TCTN1: variants seen among roughly 807,000 people sequenced by gnomAD.
TCTN1 encodes tectonic family member 1.
TCTN1 carries 58 observed loss-of-function variants against 65.8 expected under a neutral mutation model. The observed-to-expected ratio is 0.88, with a 90% CI of 0.71 to 1.10. The LOEUF is 1.10. Among genes scored for constraint, TCTN1 ranks in the 50% least tolerant of loss-of-function variants. TCTN1 has a pLI of 0.00. For synonymous variants in TCTN1, 273 were observed against 289.1 expected, an observed-to-expected ratio of 0.94 and a Z score of 0.57; for missense variants, 645 against 719.4, an observed-to-expected ratio of 0.90 and a Z score of 1.18.
intron 3 of TCTN1, among the ~76,000 whole-genome samples, chr12:110,626,830 G>T (rs377155306): frequency 6.7e-6 from 1 of 148,302 alleles, no homozygotes; most frequent in African/African-American, 2.5e-5. Flanking sequence ...GAGTGCAACG[G>T]CTCAATCTCG....
chr12:110,640,337 C>T lies in TCTN1; in HGVS notation c.844-46C>T. The T allele has an allele frequency of 1.2e-6, 2 of 1,613,712 alleles. No individual in the cohort carries two copies. The highest frequency in any genetic ancestry group is 1.7e-6 in the Non-Finnish European group (2 of 1,179,806). ...AGTTGGTTGGTTATTTTAGCCCATC[C>T]TCCCTGGGTAGAGCATCTTCAACAC... On this transcript the variant is annotated intron_variant, in intron 7 of 14. Transcript: ENST00000397659. The surrounding 1 kb of genome is among the most constrained non-coding windows in gnomAD (Gnocchi z 4.9).
At chr12:110,628,157 CA>C in intron 3 of TCTN1, 1 of 1,536,066 alleles carries the variant, frequency 6.5e-7, no homozygotes, top group Non-Finnish European at 8.7e-7. Flanking sequence ...GTTGATACAG[CA>C]AACTCATCAG....
chr12:110,644,924 GAAC>G lies in TCTN1; in HGVS notation c.1332-38_1332-36del. Reference sequence around the variant, plus strand: ...AGAAAATGAAAAACTGCTGGTGGATGAACAACAGCCTCATTCAGTTGACTTCTT... The same window carrying G: ...AGAAAATGAAAAACTGCTGGTGGATGAACAGCCTCATTCAGTTGACTTCTT... On this transcript the variant is annotated intron_variant, in intron 11 of 14. Transcript: ENST00000397659. This position sits in a 1 kb window ranked among gnomAD's most constrained non-coding sequence, Gnocchi z 4.6. The G allele has an allele frequency of 6.2e-7, 1 of 1,611,848 alleles. No individual in the cohort carries two copies. Among genetic ancestry groups the G allele is most frequent in the East Asian group, 2.2e-5 (1 of 44,868 alleles).
chr12:110,647,358 G>A (rs1265382077), intron 13 of TCTN1, 22 bp downstream of exon 13: 1 of 1,613,940 alleles, frequency 6.2e-7, no homozygotes, highest in Admixed American at 1.7e-5. Context: ...CTAGTTTAAA[G>A]GCATAGGTTA....
At chr12:110,642,189 T>C (rs1024740746) in intron 10 of TCTN1, 60 bp from the exon 11 acceptor site, 145 of 1,610,950 alleles carry the variant, frequency 9.0e-5, no homozygotes, top group South Asian at 4.4e-4. Flanking sequence ...GACACTGTCT[T>C]CTTACCTGAG....
At chr12:110,621,476 ATTT>A (rs879348737) in intron 2 of TCTN1, among the ~76,000 whole-genome samples, 2 of 139,884 alleles carry the variant, frequency 1.4e-5, no homozygotes, top group African/African-American at 2.6e-5. Context: ...ACTTGGGGCT[ATTT>A]TTTTTTTTTT....
intron 2 of TCTN1, among the ~76,000 whole-genome samples, chr12:110,623,824 A>G (rs1048412715): frequency 6.6e-6 from 1 of 151,876 alleles, no homozygotes; most frequent in Non-Finnish European, 1.5e-5. Context: ...CCTGGCCTCA[A>G]GTGATCCTCC....
In TCTN1 at chr12:110,644,995, G is replaced by A. The variant is rs369759157; in HGVS notation, c.1360G>A (p.Val454Ile). Residue 454 changes from valine (V) to isoleucine (I), a missense_variant, in exon 12 of 15, where the codon GTA (valine) becomes ATA (isoleucine). Val to Ile is a conservative substitution (Grantham distance 29). Transcript: ENST00000397659. This position sits in a 1 kb window ranked among gnomAD's most constrained non-coding sequence, Gnocchi z 4.6. The part of the protein sequence containing the change: ...RLTGALPCQL[V>I]AQKVKSLLWG... The stretch of plus-strand genomic sequence containing the variant: ...GACTGGAGCTCTCCCGTGTCAGCTC[G>A]TAGCACAGAAGGTGAAGAGCCTGCT... The A allele has an allele frequency of 6.8e-6, 11 of 1,614,226 alleles. No individual in the cohort carries two copies. Among genetic ancestry groups the A allele is most frequent in the East Asian group, 2.2e-5 (1 of 44,894 alleles).
intron 2 of TCTN1, among the ~76,000 whole-genome samples, chr12:110,622,863 G>A (rs1050536652): frequency 1.3e-5 from 2 of 152,176 alleles, no homozygotes; most frequent in Non-Finnish European, 2.9e-5. Flanking sequence ...AAGCCTGGTG[G>A]CAGAGAACCA....
At position 110,641,009 on chromosome 12, in the gene TCTN1, T is replaced by G. The variant is rs1437936639; in HGVS notation, c.979-15T>G. 1 of 1,614,192 alleles carries G rather than the reference T, an allele frequency of 6.2e-7. No homozygotes were observed. Among genetic ancestry groups the G allele is most frequent in the Admixed American group, 1.7e-5 (1 of 60,022 alleles). ...TAATGGAACAGGTATATTTGGAGTATCATTTTGTTTTTAGGTAAAGTACAG... is the reference window on the plus strand; with the variant it reads ...TAATGGAACAGGTATATTTGGAGTAGCATTTTGTTTTTAGGTAAAGTACAG... On this transcript the variant is annotated splice_polypyrimidine_tract_variant and intron_variant, in intron 8 of 14. Transcript: ENST00000397659.
At position 110,642,392 on chromosome 12, in the gene TCTN1, A is replaced by G. The variant is rs2067016616; in HGVS notation, c.1331+3A>G. Reference sequence around the variant, plus strand: ...ATGCAATCTGGCTGTAAACTAAGGTAAAAGAGTCACTTGTTTCTGTTTGAA... The same window carrying G: ...ATGCAATCTGGCTGTAAACTAAGGTGAAAGAGTCACTTGTTTCTGTTTGAA... On this transcript the variant is annotated splice_donor_region_variant and intron_variant, in intron 11 of 14. Transcript: ENST00000397659. 1 of 1,614,092 alleles carries G rather than the reference A, an allele frequency of 6.2e-7. No homozygotes were observed. Among genetic ancestry groups the G allele is most frequent in the Admixed American group, 1.7e-5 (1 of 59,998 alleles).
At chr12:110,616,180 CATCATT>C (rs1372206285) in intron 1 of TCTN1, 1 of 342,098 alleles carries the variant, frequency 2.9e-6, no homozygotes, top group African/African-American at 2.1e-5. Context: ...ATGCTTGAAA[CATCATT>C]ATTATAGCAT....
intron 1 of TCTN1, chr12:110,616,241 G>C (rs1389575211): frequency 4.5e-6 from 2 of 446,482 alleles, no homozygotes; most frequent in Non-Finnish European, 8.9e-6. Flanking sequence ...ATTTGTGCTT[G>C]TCCTCACACT....
Position 110,647,195 on chromosome 12 carries a change from G to A in TCTN1, c.1495-1G>A, listed in dbSNP as rs750148875. The A allele has an allele frequency of 6.2e-7, 1 of 1,614,180 alleles. No individual in the cohort carries two copies. The highest frequency in any genetic ancestry group is 1.1e-5 in the South Asian group (1 of 91,086). Reference sequence around the variant, plus strand: ...TTTGTAAGATTCTAATGGATTAACAGCATTTTGTTTTGCAGGATTCCTGCC... The same window carrying A: ...TTTGTAAGATTCTAATGGATTAACAACATTTTGTTTTGCAGGATTCCTGCC... On this transcript the variant is annotated splice_acceptor_variant, in intron 12 of 14. Coordinates refer to ENST00000397659, the MANE Select transcript of TCTN1 (RefSeq NM_001082538.3). LOFTEE classifies it high-confidence loss of function.
At chr12:110,620,075 C>T (rs1296732382) in intron 2 of TCTN1, 119 bp downstream of exon 2, 12 of 1,460,728 alleles carry the variant, frequency 8.2e-6, no homozygotes, top group African/African-American at 2.8e-5. Context: ...TGTTTTACGT[C>T]GTTCTGAAGC....
chr12:110,618,937 A>G (rs952347178), intron 1 of TCTN1, among the ~76,000 whole-genome samples: 13 of 151,622 alleles, frequency 8.6e-5, no homozygotes, highest in African/African-American at 3.2e-4. Context: ...TTGGGTGGCT[A>G]AGGCTGGCAG....
rs758970122 is a variant in TCTN1 at position 110,640,431 on chromosome 12, C to G, written c.892C>G (p.Leu298Val). 1 of 1,614,154 alleles carries G rather than the reference C, an allele frequency of 6.2e-7. No homozygotes were observed. Among genetic ancestry groups the G allele is most frequent in the East Asian group, 2.2e-5 (1 of 44,880 alleles). The change falls in exon 8 of 15, where the codon CTC becomes GTC. Residue 298 changes from leucine (L) to valine (V), a missense_variant. Physicochemically the swap from Leu to Val is conservative, Grantham distance 32. Coordinates refer to ENST00000397659, the MANE Select transcript of TCTN1 (RefSeq NM_001082538.3). This position sits in a 1 kb window ranked among gnomAD's most constrained non-coding sequence, Gnocchi z 4.9. ...CGTCATTCAGTCTCTAAATAAAACG[C>G]TCACCCGACGGGAGGACACTGATGT... is the stretch of plus-strand genomic sequence containing the variant. ...SIVIQSLNKT[L>V]TRREDTDVLQ...
chr12:110,625,314 G>A (rs2065758297), intron 2 of TCTN1, among the ~76,000 whole-genome samples: 1 of 152,072 alleles, frequency 6.6e-6, no homozygotes, highest in Non-Finnish European at 1.5e-5. Flanking sequence ...AAAGAGATGA[G>A]GATCTCACTA....
chr12:110,622,134 TA>T (rs200326554), intron 2 of TCTN1, among the ~76,000 whole-genome samples: 2 of 148,538 alleles, frequency 1.3e-5, no homozygotes, highest in African/African-American at 5.0e-5. Flanking sequence ...CGAAACTCCA[TA>T]AAAAAAAATA....
Sources: gnomAD v4.1 joint callset for allele counts (sites outside exome capture counted in the v4.1 genomes callset) on GRCh38, gnomAD v4.1.1 for gene constraint, Gnocchi (gnomAD v3.1) non-coding constraint, MANE v1.5 for transcripts, NCBI Gene and HGNC (gene_info 2026-07-23, HGNC 2026-07-21) for gene names.